The following MYO10 variants were observed in gnomAD, a reference collection of about 807,000 sequenced individuals.
The protein encoded by MYO10 is myosin X.
Under a neutral mutation model 257.3 loss-of-function variants are expected in MYO10, and 133 were observed. The observed-to-expected ratio is 0.52, with a 90% CI of 0.45 to 0.60. MYO10 has a LOEUF of 0.60. Ranked by LOEUF, MYO10 falls within the 20% of genes least tolerant of loss-of-function variation. MYO10 has a pLI of 0.00. For synonymous variants in MYO10, 1,104 were observed against 1,028.6 expected (o/e 1.07, Z -1.40); for missense variants, 2,399 against 2,635.7 (o/e 0.91, Z 1.97).
rs147044029 is a variant in MYO10 at position 16,672,252 on chromosome 5, G to A, written c.5309+437C>T. On this transcript the variant is annotated intron_variant, in intron 37 of 40. Coordinates refer to ENST00000513610, the MANE Select transcript of MYO10 (RefSeq NM_012334.3). ...AGAAGTTGCAGTGAGCCAAGGTTGC[G>A]CCACTGCACTTCAGCCTGGGCAACA... is the stretch of plus-strand genomic sequence containing the variant. 7.7e-3 allele frequency among the ~76,000 whole-genome samples: 1,102 copies of A among 143,536 alleles called. 6 individuals carry two copies. Among genetic ancestry groups the A allele is most frequent in the South Asian group, 0.013 (59 of 4,654 alleles). The allele number at this position is 143,536 out of a possible 152,430, so 94.2% of individuals were successfully genotyped here. A position where few individuals can be genotyped will look rare whatever the true frequency, so the allele number is the denominator to read the frequency against.
In MYO10 at chr5:16,742,297, A is replaced by G. The variant is rs1188667508; in HGVS notation, c.1929+12531T>C. Reference sequence around the variant, plus strand: ...AGCTCTGATGAATAGTTTCCATGACAACTTGGTAAACAGGATGGAAGTGAC... The same window carrying G: ...AGCTCTGATGAATAGTTTCCATGACGACTTGGTAAACAGGATGGAAGTGAC... On this transcript the variant is annotated intron_variant, in intron 19 of 40. Transcript: ENST00000513610. 5.2e-6 allele frequency: 5 copies of G among 961,128 alleles called. No individual in the cohort carries two copies. The South Asian group carries it at 2.4e-4, about 46-fold the overall frequency. 59.5% of individuals were successfully genotyped at this position (961,128 alleles called of 1,614,324 possible).
chr5:16,753,418 C>A (rs1214824390), intron 19 of MYO10, among the ~76,000 whole-genome samples: 1 of 151,016 alleles, frequency 6.6e-6, no homozygotes, highest in East Asian at 2.0e-4. Context: ...CCACCCGCCT[C>A]GGCCTCCCAA....
chr5:16,670,654 A>G lies in MYO10; in HGVS notation c.5755T>C (p.Ser1919Pro), dbSNP rs1289986783. 4.3e-6 allele frequency: 7 copies of G among 1,613,878 alleles called. No homozygotes were observed. The highest frequency in any genetic ancestry group is 5.9e-6 in the Non-Finnish European group (7 of 1,179,896). Residue 1919 changes from serine to proline, a missense_variant, in exon 39 of 41, where the codon TCT becomes CCT. This residue lies in a region of MYO10 where 1,820 missense variants were observed against 1,939.4 expected (regional missense o/e 0.94). Transcript: ENST00000513610. The stretch of plus-strand genomic sequence containing the variant: ...TTGTCAATGATACTGGCTCGAGCAG[A>G]GGAGACTTCTTCCTTAATCCACATG... Reference protein sequence around the residue: ...LDMWIKEEVSSARASIIDKWR... With the variant: ...LDMWIKEEVSPARASIIDKWR...
Position 16,701,391 on chromosome 5 carries a change from C to G in MYO10, c.3004G>C (p.Asp1002His). ...EVDEGFEADD[D>H]AFKDSPNPSE... Reference sequence around the variant, plus strand: ...GGGTTGGGGGAGTCCTTGAAGGCGTCGTCGTCGGCTTCGAAGCCCTCATCG... The same window carrying G: ...GGGTTGGGGGAGTCCTTGAAGGCGTGGTCGTCGGCTTCGAAGCCCTCATCG... The change falls in exon 25 of 41, where the codon GAC becomes CAC. Residue 1002 changes from aspartate to histidine, a missense_variant. Physicochemically the swap from Asp to His is moderately conservative, Grantham distance 81. Around this residue, in one of 3 missense-constraint regions of MYO10, gnomAD observed 1,820 missense variants for 1,939.4 expected, o/e 0.94. Coordinates refer to ENST00000513610, the MANE Select transcript of MYO10 (RefSeq NM_012334.3). The surrounding 1 kb of genome is among the most constrained non-coding windows in gnomAD (Gnocchi z 8.1). 1 of 1,613,880 alleles carries G rather than the reference C, an allele frequency of 6.2e-7. No homozygotes were observed. The highest frequency in any genetic ancestry group is 2.2e-5 in the East Asian group (1 of 44,878).
At chr5:16,859,462 A>C (rs888535842) in intron 2 of MYO10, among the ~76,000 whole-genome samples, 3 of 152,148 alleles carry the variant, frequency 2.0e-5, no homozygotes, top group Non-Finnish European at 2.9e-5. Context: ...CAACATAGGA[A>C]GTTTGGGGCC....
intron 1 of MYO10, among the ~76,000 whole-genome samples, chr5:16,911,928 C>T (rs1193700340): frequency 6.6e-6 from 1 of 152,020 alleles, no homozygotes; most frequent in Non-Finnish European, 1.5e-5. Flanking sequence ...ATCCCAGCTA[C>T]TTGGGAGGCT....
At chr5:16,728,070 C>A (rs185185384) in intron 19 of MYO10, among the ~76,000 whole-genome samples, 1 of 152,092 alleles carries the variant, frequency 6.6e-6, no homozygotes, top group Non-Finnish European at 1.5e-5. Flanking sequence ...ACGTGTTGAG[C>A]GTGTGATTGA....
intron 39 of MYO10, among the ~76,000 whole-genome samples, chr5:16,668,762 A>G (rs975423816): frequency 1.8e-4 from 28 of 152,186 alleles, no homozygotes; most frequent in African/African-American, 6.0e-4. Context: ...TGGATTAGCT[A>G]CGTGGAAGTG....
intron 2 of MYO10, among the ~76,000 whole-genome samples, chr5:16,869,191 A>ATTTTTT (rs70943814): frequency 3.5e-5 from 4 of 115,882 alleles, no homozygotes; most frequent in African/African-American, 6.7e-5. Context: ...CACCCGGCTA[A>ATTTTTT]TTTTTTTTTT....
chr5:16,852,556 C>G (rs1743840432), intron 2 of MYO10, among the ~76,000 whole-genome samples: 1 of 151,694 alleles, frequency 6.6e-6, no homozygotes, highest in African/African-American at 2.4e-5. Flanking sequence ...ATTCCCTAAC[C>G]TGCTGGCTGA....
chr5:16,823,447 G>A (rs750685171), intron 2 of MYO10, among the ~76,000 whole-genome samples: 123 of 7,016 alleles, frequency 0.018, 3 homozygotes, highest in Non-Finnish European at 0.039. Flanking sequence ...TCCATCTTGC[G>A]CGGGGGGGGG....
At chr5:16,863,721 T>C (rs1232920160) in intron 2 of MYO10, among the ~76,000 whole-genome samples, 1 of 152,086 alleles carries the variant, frequency 6.6e-6, no homozygotes, top group East Asian at 1.9e-4. Flanking sequence ...AGAATTCCCT[T>C]GAAAAAGCCT....
chr5:16,753,391 T>TCTCCTGAC (rs1190687863), intron 19 of MYO10, among the ~76,000 whole-genome samples: 1 of 151,694 alleles, frequency 6.6e-6, no homozygotes, highest in African/African-American at 2.4e-5. Context: ...ATGGTCTCCA[T>TCTCCTGAC]CTCCTGACCT....
chr5:16,764,850 G>C (rs887245925), intron 11 of MYO10, among the ~76,000 whole-genome samples: 1 of 151,964 alleles, frequency 6.6e-6, no homozygotes, highest in African/African-American at 2.4e-5. Flanking sequence ...CACCACACCT[G>C]GTTAATTTTT....
At chr5:16,865,574 G>A (rs1342495654) in intron 2 of MYO10, among the ~76,000 whole-genome samples, 2 of 152,132 alleles carry the variant, frequency 1.3e-5, no homozygotes, top group Admixed American at 1.3e-4. Context: ...ACTTTGGGAG[G>A]CCGAGGTGGG....
At chr5:16,799,961 T>G (rs556877900) in intron 3 of MYO10, among the ~76,000 whole-genome samples, 9 of 152,298 alleles carry the variant, frequency 5.9e-5, no homozygotes, top group African/African-American at 2.2e-4. Flanking sequence ...CAATCAATTC[T>G]GAGTCACCAT....
At chr5:16,835,274 G>T (rs1743277652) in intron 2 of MYO10, among the ~76,000 whole-genome samples, 1 of 151,982 alleles carries the variant, frequency 6.6e-6, no homozygotes, top group African/African-American at 2.4e-5. Context: ...GGTGGCTCAT[G>T]CCTGTAATCC....
chr5:16,765,122 A>G (rs967208792), intron 11 of MYO10, among the ~76,000 whole-genome samples: 2 of 152,172 alleles, frequency 1.3e-5, no homozygotes, highest in Non-Finnish European at 2.9e-5. Flanking sequence ...AACATATTAG[A>G]GGAGTGTGAT....
rs201908655 is a variant in MYO10 at position 16,906,320 on chromosome 5, TCAG to T, written c.22-28616_22-28614del. ...AGCTCGAGGGTCTAAAGCACTTTTC[TCAG>T]CAGCAACACCACTGACACTTGGGGC... On this transcript the variant is annotated intron_variant, in intron 1 of 40. Transcript: ENST00000513610. Among the ~76,000 whole-genome samples, 883 of 152,270 alleles carry T rather than the reference TCAG, an allele frequency of 5.8e-3. 7 individuals carry two copies. The highest frequency in any genetic ancestry group is 0.02 in the African/African-American group (849 of 41,544).
Sources: gnomAD v4.1 joint callset for allele counts (sites outside exome capture counted in the v4.1 genomes callset) on GRCh38, gnomAD v4.1.1 for gene constraint, gnomAD v4.1.1 regional missense constraint, Gnocchi (gnomAD v3.1) non-coding constraint, MANE v1.5 for transcripts, NCBI Gene and HGNC (gene_info 2026-07-23, HGNC 2026-07-21) for gene names.